The following RPS6KA1 variants were observed in gnomAD, a reference collection of about 807,000 sequenced individuals.
The protein encoded by RPS6KA1 is ribosomal protein S6 kinase A1.
In RPS6KA1, 48 loss-of-function variants were observed where a neutral mutation model predicts 91.3. That is an observed-to-expected ratio of 0.53 (90% CI 0.42 to 0.67). The LOEUF is 0.67. Ranked by LOEUF, RPS6KA1 falls within the 30% of genes least tolerant of loss-of-function variation. The pLI is 0.00. For synonymous variants in RPS6KA1, 359 were observed against 384.7 expected (o/e 0.93, Z 0.78); for missense variants, 719 against 960.5 (o/e 0.75, Z 3.32).
At chr1:26,545,487 T>A (rs1381020932) in intron 2 of RPS6KA1, among the ~76,000 whole-genome samples, 1 of 152,110 alleles carries the variant, frequency 6.6e-6, no homozygotes, top group Non-Finnish European at 1.5e-5. Flanking sequence ...TGTTTCCACC[T>A]GTTGGGTGCC....
In RPS6KA1 at chr1:26,555,228, C is replaced by T. The variant is rs1429960079; in HGVS notation, c.827+7C>T. 1 of 1,613,882 alleles carries T rather than the reference C, an allele frequency of 6.2e-7. No homozygotes were observed. The highest frequency in any genetic ancestry group is 1.1e-5 in the South Asian group (1 of 91,066). ...CCATGACACTGATTCTGAAGTAAGC[C>T]CCAGCCCTGCCCTGATAACAATGGA... On this transcript the variant is annotated splice_region_variant and intron_variant, in intron 10 of 21. Transcript: ENST00000374168. The surrounding 1 kb of genome is among the most constrained non-coding windows in gnomAD (Gnocchi z 4.3).
chr1:26,549,504 G>A (rs1557498234), intron 4 of RPS6KA1, among the ~76,000 whole-genome samples: 1 of 151,810 alleles, frequency 6.6e-6, no homozygotes, highest in African/African-American at 2.4e-5. Flanking sequence ...GGGAGGCAAA[G>A]GTTGCAGTGA....
intron 4 of RPS6KA1, among the ~76,000 whole-genome samples, chr1:26,548,810 A>G (rs1201261116): frequency 2.0e-5 from 3 of 151,986 alleles, no homozygotes; most frequent in Admixed American, 6.6e-5. Flanking sequence ...AGAAAAAAAA[A>G]AAAAGAAAAA....
At chr1:26,543,602 C>T (rs1001952369) in intron 2 of RPS6KA1, among the ~76,000 whole-genome samples, 1 of 152,132 alleles carries the variant, frequency 6.6e-6, no homozygotes, top group African/African-American at 2.4e-5. Context: ...TCTCCGAGGG[C>T]CAGGACCTAC....
chr1:26,543,279 TG>T, intron 2 of RPS6KA1: 1 of 1,333,570 alleles, frequency 7.5e-7, no homozygotes, highest in South Asian at 1.2e-5. Flanking sequence ...GGGCAAGGAA[TG>T]GGTTTGGGGG....
In RPS6KA1 at chr1:26,555,914, C is replaced by G. The variant is rs2076097530; in HGVS notation, c.916+289C>G. On this transcript the variant is annotated intron_variant, in intron 11 of 21. Coordinates refer to ENST00000374168, the MANE Select transcript of RPS6KA1 (RefSeq NM_002953.4). The surrounding 1 kb of genome is among the most constrained non-coding windows in gnomAD (Gnocchi z 4.3). ...AAGGCTGCTGGCACAAGAGAAATAG[C>G]ATGAGCTCAGGAGTCAGAAGGCATA... is the stretch of plus-strand genomic sequence containing the variant. Among the ~76,000 whole-genome samples, 1 of 152,192 alleles carries G rather than the reference C, an allele frequency of 6.6e-6. No homozygotes were observed. The highest frequency in any genetic ancestry group is 2.4e-5 in the African/African-American group (1 of 41,454).
intron 2 of RPS6KA1, among the ~76,000 whole-genome samples, chr1:26,539,456 TG>T (rs908449087): frequency 1.1e-4 from 16 of 152,222 alleles, no homozygotes; most frequent in Non-Finnish European, 2.1e-4. Context: ...TTCAGAATCC[TG>T]CACCTATTTT....
chr1:26,549,583 A>G (rs1557498292), intron 4 of RPS6KA1, among the ~76,000 whole-genome samples: 2 of 151,826 alleles, frequency 1.3e-5, no homozygotes, highest in Non-Finnish European at 2.9e-5. Context: ...AAAAAAAGTC[A>G]AAGGACACAT....
chr1:26,573,950 A>AC (rs2076273262), intron 21 of RPS6KA1, 129 bp from the exon 22 acceptor site: 1 of 1,074,726 alleles, frequency 9.3e-7, no homozygotes, highest in Non-Finnish European at 1.3e-6. Flanking sequence ...AAAAAAAAAA[A>AC]CAACAAAAAC....
At chr1:26,568,195 G>A (rs1375925201) in intron 17 of RPS6KA1, among the ~76,000 whole-genome samples, 1 of 152,322 alleles carries the variant, frequency 6.6e-6, no homozygotes, top group South Asian at 2.1e-4. Flanking sequence ...TGGACTGCTT[G>A]GAGGTTCCCA....
In RPS6KA1 at chr1:26,560,758, C is replaced by T. The variant is rs149144046; in HGVS notation, c.1248C>T (p.Asp416=). 2.1e-5 allele frequency: 34 copies of T among 1,614,082 alleles called. No individual in the cohort carries two copies. Among genetic ancestry groups the T allele is most frequent in the African/African-American group, 2.7e-5 (2 of 74,932 alleles). ...QLHGKNLVFS[D]GYVVKETIGV... ...ATGGGAAGAACCTGGTTTTTAGTGACGGCTACGTGGTAAAGGAGACAATTG... is the reference window on the plus strand; with the variant it reads ...ATGGGAAGAACCTGGTTTTTAGTGATGGCTACGTGGTAAAGGAGACAATTG... The change falls in exon 15 of 22, where the codon GAC becomes GAT. Residue 416 remains aspartate, a synonymous_variant. Coordinates refer to ENST00000374168, the MANE Select transcript of RPS6KA1 (RefSeq NM_002953.4).
rs1215873175 is a variant in RPS6KA1 at position 26,561,442 on chromosome 1, TGCTGACCAGGGGGCTCAG to T, written c.1432-60_1432-43del. On this transcript the variant is annotated intron_variant, in intron 16 of 21. Transcript: ENST00000374168. This position sits in a 1 kb window ranked among gnomAD's most constrained non-coding sequence, Gnocchi z 5.7. ...GTCATTCTTCCCTGCTCTGGGGCGC[TGCTGACCAGGGGGCTCAG>T]GCCTGACACTGGGGAGAAGAGCCTG... 4.4e-6 allele frequency: 7 copies of T among 1,605,458 alleles called. No individual in the cohort carries two copies. In the African/African-American group the frequency reaches 9.4e-5, roughly 21 times the overall value.
chr1:26,566,646 G>T (rs2076205326), intron 17 of RPS6KA1, among the ~76,000 whole-genome samples: 1 of 152,102 alleles, frequency 6.6e-6, no homozygotes, highest in South Asian at 2.1e-4. Flanking sequence ...CTCTTCATAT[G>T]TTTATTGCCA....
rs139854406 is a variant in RPS6KA1, at chr1:26,559,336, C to T, written c.1215+399C>T. Among the ~76,000 whole-genome samples the T allele has an allele frequency of 1.8e-4, 27 of 152,190 alleles. No individual in the cohort carries two copies. In the East Asian group the frequency reaches 4.4e-3, roughly 25 times the overall value. ...GACTGTGGAGCTCATTGCATGGGTT[C>T]CAGATTCACAAGATAATGGACTTTG... On this transcript the variant is annotated intron_variant, in intron 14 of 21. Coordinates refer to ENST00000374168, the MANE Select transcript of RPS6KA1 (RefSeq NM_002953.4).
Position 26,560,780 on chromosome 1 carries a change from A to G in RPS6KA1, c.1270A>G (p.Ile424Val), listed in dbSNP as rs1374178391. ...TGACGGCTACGTGGTAAAGGAGACAATTGGTGTGGGCTCCTACTCTGAGTG... is the reference window on the plus strand; with the variant it reads ...TGACGGCTACGTGGTAAAGGAGACAGTTGGTGTGGGCTCCTACTCTGAGTG... ...FSDGYVVKET[I>V]GVGSYSECKR... The change falls in exon 15 of 22, where the codon ATT (isoleucine) becomes GTT (valine). Residue 424 changes from isoleucine (I) to valine (V), a missense_variant. Transcript: ENST00000374168. 1.2e-6 allele frequency: 2 copies of G among 1,614,164 alleles called. No individual in the cohort carries two copies. The highest frequency in any genetic ancestry group is 1.1e-5 in the South Asian group (1 of 91,084).
chr1:26,563,714 G>A (rs1396845963), intron 17 of RPS6KA1, among the ~76,000 whole-genome samples: 2 of 152,194 alleles, frequency 1.3e-5, no homozygotes, highest in Non-Finnish European at 2.9e-5. Context: ...TCTGTCGGCT[G>A]CCTCCTGGAT....
At chr1:26,531,832 C>A (rs1456765113) in intron 1 of RPS6KA1, among the ~76,000 whole-genome samples, 2 of 152,108 alleles carry the variant, frequency 1.3e-5, no homozygotes, top group Non-Finnish European at 2.9e-5. Context: ...GTTGTCTGGT[C>A]CCCCCTCCCC....
At chr1:26,566,817 G>A (rs2076206653) in intron 17 of RPS6KA1, among the ~76,000 whole-genome samples, 1 of 152,026 alleles carries the variant, frequency 6.6e-6, no homozygotes, top group African/African-American at 2.4e-5. Context: ...ATAAGGTTAT[G>A]GACTCTATAA....
intron 2 of RPS6KA1, among the ~76,000 whole-genome samples, chr1:26,546,639 AG>A (rs1341025316): frequency 6.6e-6 from 1 of 152,230 alleles, no homozygotes; most frequent in Non-Finnish European, 1.5e-5. Context: ...GGGCCTAACC[AG>A]GCCAGAGCAT....
Sources: gnomAD v4.1 joint callset for allele counts (sites outside exome capture counted in the v4.1 genomes callset) on GRCh38, gnomAD v4.1.1 for gene constraint, Gnocchi (gnomAD v3.1) non-coding constraint, MANE v1.5 for transcripts, NCBI Gene and HGNC (gene_info 2026-07-23, HGNC 2026-07-21) for gene names.